CORO1C: variants seen among roughly 807,000 people sequenced by gnomAD.
CORO1C encodes the protein coronin-1C.
In CORO1C, 14 loss-of-function variants were observed where a neutral mutation model predicts 51.2. The ratio of observed to expected loss-of-function variants is 0.27; its 90% confidence interval spans 0.18 to 0.43. The LOEUF is 0.43. Ranked by LOEUF, CORO1C falls within the 20% of genes least tolerant of loss-of-function variation. The pLI is 1.00. For missense variants in CORO1C, 417 were observed against 607.8 expected (o/e 0.69, Z 3.30); for synonymous variants, 181 against 210.5 (o/e 0.86, Z 1.21).
At chr12:108,710,016 G>C (rs1369007141) in intron 1 of CORO1C, among the ~76,000 whole-genome samples, 1 of 152,204 alleles carries the variant, frequency 6.6e-6, no homozygotes, top group Non-Finnish European at 1.5e-5. Flanking sequence ...TTCAATGGGA[G>C]ATAATGCAAC....
At chr12:108,689,690 A>C (rs1434750129) in intron 2 of CORO1C, among the ~76,000 whole-genome samples, 1 of 152,236 alleles carries the variant, frequency 6.6e-6, no homozygotes, top group East Asian at 1.9e-4. Context: ...ACTTTACATG[A>C]CCTGACTCAA....
At chr12:108,660,142 G>A (rs1169757124) in intron 4 of CORO1C, among the ~76,000 whole-genome samples, 2 of 152,208 alleles carry the variant, frequency 1.3e-5, no homozygotes, top group African/African-American at 4.8e-5. Flanking sequence ...GGATACTTAA[G>A]TTACCTAAGG....
At chr12:108,692,814 T>C (rs961174208) in intron 2 of CORO1C, among the ~76,000 whole-genome samples, 11 of 150,626 alleles carry the variant, frequency 7.3e-5, no homozygotes, top group African/African-American at 2.7e-4. Context: ...TTTTTTTTTT[T>C]TGAGACAGAG....
intron 2 of CORO1C, 65 bp downstream of exon 2, chr12:108,701,059 T>C (rs1592926562): frequency 6.5e-7 from 1 of 1,539,490 alleles, no homozygotes; most frequent in Non-Finnish European, 9.0e-7. Flanking sequence ...ACTGTCAATC[T>C]ATTAAGGAAA....
At chr12:108,689,630 T>C (rs528229679) in intron 2 of CORO1C, among the ~76,000 whole-genome samples, 1 of 152,282 alleles carries the variant, frequency 6.6e-6, no homozygotes, top group Admixed American at 6.5e-5. Context: ...CACCCGAAGA[T>C]GTAAGGGCCT....
intron 2 of CORO1C, among the ~76,000 whole-genome samples, chr12:108,684,567 G>A (rs1481966303): frequency 6.6e-6 from 1 of 151,992 alleles, no homozygotes; most frequent in East Asian, 1.9e-4. Context: ...TAAGGCACGC[G>A]AAATAAAAGT....
intron 3 of CORO1C, among the ~76,000 whole-genome samples, chr12:108,672,014 C>T (rs973814301): frequency 9.2e-5 from 14 of 152,184 alleles, no homozygotes; most frequent in Admixed American, 2.6e-4. Context: ...CCACCTGCCT[C>T]GGCCTCCCAA....
intron 7 of CORO1C, 130 bp downstream of exon 7, chr12:108,654,176 T>C (rs2032822262): frequency 3.1e-6 from 2 of 647,208 alleles, no homozygotes; most frequent in African/African-American, 1.8e-5. Flanking sequence ...TATCTGTCCT[T>C]GGCTTATAAC....
At chr12:108,659,018 CAGAGAGAGAG>C in intron 4 of CORO1C, 99 bp from the exon 5 acceptor site, 3 of 1,132,922 alleles carry the variant, frequency 2.6e-6, no homozygotes, top group Middle Eastern at 4.4e-4. Context: ...TATGTATATG[CAGAGAGAGAG>C]AGAGAGAAAG....
chr12:108,698,541 G>A (rs2034764284), intron 2 of CORO1C, among the ~76,000 whole-genome samples: 1 of 152,186 alleles, frequency 6.6e-6, no homozygotes, highest in African/African-American at 2.4e-5. Flanking sequence ...TGAGTAGCTG[G>A]GACTACAGGT....
intron 2 of CORO1C, among the ~76,000 whole-genome samples, chr12:108,683,155 C>G (rs1243490040): frequency 2.6e-5 from 4 of 152,162 alleles, no homozygotes; most frequent in African/African-American, 9.6e-5. Context: ...TACAGTGGCT[C>G]ATGCCTGTAA....
chr12:108,716,742 G>T (rs777970696), intron 1 of CORO1C, among the ~76,000 whole-genome samples: 1 of 151,992 alleles, frequency 6.6e-6, no homozygotes, highest in Non-Finnish European at 1.5e-5. Context: ...TCTTTCACTG[G>T]GATACAGTCC....
At chr12:108,705,972 A>G (rs1319205139) in intron 1 of CORO1C, among the ~76,000 whole-genome samples, 1 of 152,154 alleles carries the variant, frequency 6.6e-6, no homozygotes, top group Non-Finnish European at 1.5e-5. Context: ...GGATCACTTG[A>G]GGTCAGGAGT....
intron 2 of CORO1C, among the ~76,000 whole-genome samples, chr12:108,694,279 C>CAAAA (rs60647143): frequency 8.5e-4 from 56 of 66,154 alleles, no homozygotes; most frequent in Non-Finnish European, 9.6e-4. Context: ...AAGACTGTCT[C>CAAAA]AAAAAAAAAA....
chr12:108,726,393 C>T (rs1386084344), intron 1 of CORO1C, among the ~76,000 whole-genome samples: 1 of 150,122 alleles, frequency 6.7e-6, no homozygotes, highest in Non-Finnish European at 1.5e-5. Context: ...CACTCCAGCA[C>T]TCTAGCCTGG....
At chr12:108,689,547 GCTGT>G (rs2034424481) in intron 2 of CORO1C, among the ~76,000 whole-genome samples, 1 of 152,198 alleles carries the variant, frequency 6.6e-6, no homozygotes, top group African/African-American at 2.4e-5. Flanking sequence ...AACTCAGGCA[GCTGT>G]CTCACTTCCA....
At chr12:108,721,406 G>A (rs532106177) in intron 1 of CORO1C, among the ~76,000 whole-genome samples, 4 of 152,236 alleles carry the variant, frequency 2.6e-5, no homozygotes, top group East Asian at 1.9e-4. Context: ...ACTCTCCAAC[G>A]CCTGTCTCCT....
At chr12:108,649,132 C>A in intron 8 of CORO1C, 112 bp from the exon 9 acceptor site, 1 of 1,245,572 alleles carries the variant, frequency 8.0e-7, no homozygotes. Flanking sequence ...GCTTCTTTAC[C>A]CATCCCCACA....
At chr12:108,672,855 A>C (rs1381884257) in intron 3 of CORO1C, among the ~76,000 whole-genome samples, 1 of 152,182 alleles carries the variant, frequency 6.6e-6, no homozygotes, top group Non-Finnish European at 1.5e-5. Flanking sequence ...GTTTCGGGGC[A>C]CTATGAACTG....
Sources: allele counts gnomAD v4.1 joint callset (sites outside exome capture counted in the v4.1 genomes callset), GRCh38; gene constraint gnomAD v4.1.1; transcripts MANE v1.5; gene names NCBI Gene and HGNC (gene_info 2026-07-23, HGNC 2026-07-21).